Variants in XIRP2 observed in about 807,000 individuals in gnomAD.
XIRP2 encodes the protein xin actin binding repeat containing 2, also known as xin actin-binding repeat-containing protein 2.
XIRP2 carries 236 observed loss-of-function variants against 277.0 expected under a neutral mutation model. The observed-to-expected ratio is 0.85, with a 90% CI of 0.77 to 0.95. The LOEUF is 0.95. Ranked by LOEUF, XIRP2 falls within the 40% of genes least tolerant of loss-of-function variation. The pLI is 0.00. For synonymous variants in XIRP2, 1,490 were observed against 1,416.5 expected (o/e 1.05, Z -1.17); for missense variants, 4,640 against 4,157.5 (o/e 1.12, Z -3.19).
chr2:166,950,986 G>T (rs1477123877), intron 2 of XIRP2, among the ~76,000 whole-genome samples: 1 of 151,808 alleles, frequency 6.6e-6, no homozygotes, highest in Non-Finnish European at 1.5e-5. Context: ...TAAACATGGA[G>T]AGTATTTGGG....
chr2:166,908,651 T>A (rs1409028202), intron 2 of XIRP2, among the ~76,000 whole-genome samples: 1 of 152,230 alleles, frequency 6.6e-6, no homozygotes, highest in Non-Finnish European at 1.5e-5. Context: ...TGGCTTTTGT[T>A]GCCACTGCTT....
chr2:167,000,581 T>C (rs1258593576), intron 2 of XIRP2, among the ~76,000 whole-genome samples: 3 of 151,544 alleles, frequency 2.0e-5, no homozygotes, highest in African/African-American at 7.3e-5. Context: ...AAAAAAAACA[T>C]GTTTCTTTTG....
At chr2:167,182,427 T>A (rs142283760) in intron 3 of XIRP2, among the ~76,000 whole-genome samples, 148 of 152,332 alleles carry the variant, frequency 9.7e-4, no homozygotes, top group African/African-American at 3.6e-3. Context: ...TTTGCTACCA[T>A]GCAGAGACAG....
intron 2 of XIRP2, among the ~76,000 whole-genome samples, chr2:167,085,148 G>T (rs1417877922): frequency 1.3e-5 from 2 of 149,822 alleles, no homozygotes; most frequent in East Asian, 3.9e-4. Context: ...TTGTGTCTTT[G>T]GTCTCGTTGG....
intron 2 of XIRP2, among the ~76,000 whole-genome samples, chr2:167,089,608 A>G (rs997183996): frequency 6.6e-6 from 1 of 152,142 alleles, no homozygotes; most frequent in Non-Finnish European, 1.5e-5. Flanking sequence ...TGTGTGTATT[A>G]CTTAAGTAAA....
chr2:167,214,741 A>T (rs908700322), intron 4 of XIRP2, among the ~76,000 whole-genome samples: 2 of 151,412 alleles, frequency 1.3e-5, no homozygotes. Context: ...TAATTTTTGT[A>T]TTTTTTTAGT....
chr2:167,046,926 T>C (rs1688801185), intron 2 of XIRP2, among the ~76,000 whole-genome samples: 1 of 150,890 alleles, frequency 6.6e-6, no homozygotes, highest in South Asian at 2.1e-4. Flanking sequence ...GAACATGAAA[T>C]AAAAGTTGAA....
intron 2 of XIRP2, among the ~76,000 whole-genome samples, chr2:166,912,763 G>A (rs1315969620): frequency 6.6e-6 from 1 of 152,112 alleles, no homozygotes; most frequent in Non-Finnish European, 1.5e-5. Context: ...TTTGATGATG[G>A]TGACATACAG....
chr2:167,129,535 ATAT>A (rs1558990372), intron 2 of XIRP2, among the ~76,000 whole-genome samples: 1 of 152,152 alleles, frequency 6.6e-6, no homozygotes, highest in Non-Finnish European at 1.5e-5. Context: ...ATCTTAAAAA[ATAT>A]TTTATCTTCT....
chr2:166,903,086 T>C (rs762480500), intron 1 of XIRP2, among the ~76,000 whole-genome samples: 1 of 152,120 alleles, frequency 6.6e-6, no homozygotes, highest in Non-Finnish European at 1.5e-5. Context: ...TTGTTAGACT[T>C]TTTAAGTTGC....
chr2:167,179,257 T>C (rs1319131874), intron 3 of XIRP2, among the ~76,000 whole-genome samples: 1 of 152,042 alleles, frequency 6.6e-6, no homozygotes, highest in Non-Finnish European at 1.5e-5. Flanking sequence ...TCTTCTTTTG[T>C]GAGCTTGCAG....
At chr2:167,086,091 T>C (rs1689933019) in intron 2 of XIRP2, among the ~76,000 whole-genome samples, 1 of 152,326 alleles carries the variant, frequency 6.6e-6, no homozygotes, top group East Asian at 1.9e-4. Flanking sequence ...CGGTTGTTCC[T>C]TTCCATGTTT....
chr2:167,076,985 C>T (rs1395390258), intron 2 of XIRP2, among the ~76,000 whole-genome samples: 2 of 151,854 alleles, frequency 1.3e-5, no homozygotes, highest in Non-Finnish European at 2.9e-5. Context: ...CACATGCCCC[C>T]CTACTTGGCT....
intron 2 of XIRP2, among the ~76,000 whole-genome samples, chr2:167,056,919 T>C (rs1481525376): frequency 1.3e-5 from 2 of 152,176 alleles, no homozygotes; most frequent in African/African-American, 2.4e-5. Flanking sequence ...CCTCCTGTGC[T>C]TCTTTGGGAG....
At chr2:167,024,480 C>T (rs1688091206) in intron 2 of XIRP2, among the ~76,000 whole-genome samples, 1 of 152,084 alleles carries the variant, frequency 6.6e-6, no homozygotes, top group Non-Finnish European at 1.5e-5. Context: ...GCCAGAACTT[C>T]CCACACTATG....
intron 2 of XIRP2, among the ~76,000 whole-genome samples, chr2:167,116,163 T>C (rs1690891389): frequency 6.6e-6 from 1 of 152,196 alleles, no homozygotes; most frequent in African/African-American, 2.4e-5. Context: ...TGATTTATGG[T>C]ACTGATGATT....
intron 2 of XIRP2, among the ~76,000 whole-genome samples, chr2:166,907,970 T>A (rs919113892): frequency 6.6e-6 from 1 of 152,090 alleles, no homozygotes; most frequent in Non-Finnish European, 1.5e-5. Context: ...CTGCATAGTA[T>A]TCCATGGTGT....
chr2:167,132,202 C>A (rs2105314903), intron 2 of XIRP2, among the ~76,000 whole-genome samples: 1 of 152,238 alleles, frequency 6.6e-6, no homozygotes, highest in East Asian at 1.9e-4. Flanking sequence ...GTATTGTAAC[C>A]TTCTACTCTA....
chr2:167,184,361 C>G (rs1693098234), intron 3 of XIRP2, among the ~76,000 whole-genome samples: 1 of 152,154 alleles, frequency 6.6e-6, no homozygotes, highest in South Asian at 2.1e-4. Context: ...GTAGGCTATT[C>G]CACTTCACTT....
Sources: allele counts gnomAD v4.1 joint callset (sites outside exome capture counted in the v4.1 genomes callset), GRCh38; gene constraint gnomAD v4.1.1; transcripts MANE v1.5; gene names NCBI Gene and HGNC (gene_info 2026-07-23, HGNC 2026-07-21).